The following HIVEP2 variants were observed in gnomAD, a reference collection of about 807,000 sequenced individuals.
HIVEP2 encodes transcription factor HIVEP2.
HIVEP2 carries 14 observed loss-of-function variants against 180.7 expected under a neutral mutation model. That is an observed-to-expected ratio of 0.08 (90% CI 0.05 to 0.12). The LOEUF (loss-of-function observed/expected upper bound fraction) is 0.12, where lower values mean the gene tolerates loss of function less well. HIVEP2 is among the 10% of genes least tolerant of loss of function. The probability of loss-of-function intolerance (pLI) is 1.00; values close to 1 mark genes in which losing one functional copy is unlikely to be tolerated. For synonymous variants in HIVEP2, 1,184 were observed against 1,136.4 expected (o/e 1.04, Z -0.84); for missense variants, 2,579 against 3,008.5 (o/e 0.86, Z 3.34).
rs375801488 is a variant in HIVEP2 at position 142,760,643 on chromosome 6, G to C, written c.5645C>G (p.Ala1882Gly). ...EAENLEDLHK[A>G]AEKHSMSSIS... ...GCTGGACATGCTATGCTTCTCTGCT[G>C]CTTTGTGCAAATCTTCCAAATTTTC... The change falls in exon 9 of 10, where the codon GCA (alanine) becomes GGA (glycine). Residue 1882 changes from alanine (A) to glycine (G), a missense_variant. By Grantham distance (60) the Ala-to-Gly change is moderately conservative. Transcript: ENST00000367603. 1.9e-6 allele frequency: 3 copies of C among 1,602,282 alleles called. No homozygotes were observed. The highest frequency in any genetic ancestry group is 2.6e-6 in the Non-Finnish European group (3 of 1,175,106).
intron 1 of HIVEP2, among the ~76,000 whole-genome samples, chr6:142,867,889 G>T (rs903682542): frequency 2.0e-5 from 3 of 152,062 alleles, no homozygotes; most frequent in Non-Finnish European, 2.9e-5. Context: ...GCTAGAATAG[G>T]TCATTTATTT....
intron 3 of HIVEP2, among the ~76,000 whole-genome samples, chr6:142,780,761 T>C (rs1455969288): frequency 6.6e-6 from 1 of 152,190 alleles, no homozygotes; most frequent in Non-Finnish European, 1.5e-5. Flanking sequence ...AAAGTTTCTC[T>C]GCTACTCCAC....
chr6:142,774,436 A>G lies in HIVEP2; in HGVS notation c.303T>C (p.Pro101=). Residue 101 remains proline, a synonymous_variant, in exon 5 of 10, where the codon CCT becomes CCC. Transcript: ENST00000367603. The surrounding 1 kb of genome is among the most constrained non-coding windows in gnomAD (Gnocchi z 5.1). ...PYSCQHSLSF[P]QHSLPQGVMH... The stretch of plus-strand genomic sequence containing the variant: ...TGACCCCCTGTGGCAATGAGTGCTG[A>G]GGGAAAGAGAGTGAGTGTTGGCATG... 1 of 1,614,160 alleles carries G rather than the reference A, an allele frequency of 6.2e-7. No individual in the cohort carries two copies. The highest frequency in any genetic ancestry group is 1.1e-5 in the South Asian group (1 of 91,080).
chr6:142,920,045 A>G, intron 1 of HIVEP2, among the ~76,000 whole-genome samples: 1 of 152,228 alleles, frequency 6.6e-6, no homozygotes, highest in East Asian at 1.9e-4. Context: ...CTACAGTAGG[A>G]AAGTTGGTTC....
intron 1 of HIVEP2, among the ~76,000 whole-genome samples, chr6:142,941,072 G>A (rs961631245): frequency 6.6e-6 from 1 of 152,234 alleles, no homozygotes; most frequent in African/African-American, 2.4e-5. Context: ...CAAATGATGA[G>A]TAATGGGAGT....
At chr6:142,913,402 A>G (rs1471478218) in intron 1 of HIVEP2, among the ~76,000 whole-genome samples, 1 of 152,260 alleles carries the variant, frequency 6.6e-6, no homozygotes, top group Non-Finnish European at 1.5e-5. Context: ...ATCAGGGCAC[A>G]CTGGCTGTCC....
Position 142,771,456 on chromosome 6 carries a change from C to A in HIVEP2, c.3283G>T (p.Gly1095Cys), listed in dbSNP as rs762818277. 2.5e-6 allele frequency: 4 copies of A among 1,613,460 alleles called. No homozygotes were observed. In the Admixed American group the frequency reaches 6.7e-5, roughly 27 times the overall value. ...ACGCTCTGATCCATGCCAACCTCGC[C>A]CTGGGAGATTTCTGGGGAGCCACTG... Reference protein sequence around the residue: ...SFSGSPEISQGEVGMDQSVKQ... With the variant: ...SFSGSPEISQCEVGMDQSVKQ... Residue 1095 changes from glycine to cysteine, a missense_variant, in exon 5 of 10, where the codon GGC becomes TGC. Physicochemically the swap from Gly to Cys is radical, Grantham distance 159. Around this residue, in one of 11 missense-constraint regions of HIVEP2, gnomAD observed 523 missense variants for 577.0 expected, o/e 0.91. Transcript: ENST00000367603. This position sits in a 1 kb window ranked among gnomAD's most constrained non-coding sequence, Gnocchi z 5.4.
In HIVEP2 at chr6:142,855,539, T is replaced by C. The variant is rs188493342; in HGVS notation, c.-640-18492A>G. On this transcript the variant is annotated intron_variant, in intron 1 of 9. Coordinates refer to ENST00000367603, the MANE Select transcript of HIVEP2 (RefSeq NM_006734.4). The stretch of plus-strand genomic sequence containing the variant: ...ACAAACAGTATGAATTTGAGGAGCC[T>C]TTAATTTTAATGGGCAAATACTTAA... Among the ~76,000 whole-genome samples, 10 of 152,350 alleles carry C rather than the reference T, an allele frequency of 6.6e-5. No homozygotes were observed. In the East Asian group the frequency reaches 1.7e-3, roughly 26 times the overall value.
chr6:142,755,379 C>T (rs1021249566), intron 9 of HIVEP2, among the ~76,000 whole-genome samples: 8 of 152,206 alleles, frequency 5.3e-5, no homozygotes, highest in Admixed American at 1.3e-4. Context: ...GGAAAAGGCA[C>T]GTCTCCTTCA....
At chr6:142,823,592 G>C (rs1256597341) in intron 2 of HIVEP2, among the ~76,000 whole-genome samples, 1 of 152,228 alleles carries the variant, frequency 6.6e-6, no homozygotes, top group Non-Finnish European at 1.5e-5. Flanking sequence ...GTGTAACCAT[G>C]CCAAGCATCC....
At chr6:142,757,590 G>A (rs1452102818) in intron 9 of HIVEP2, among the ~76,000 whole-genome samples, 2 of 152,162 alleles carry the variant, frequency 1.3e-5, no homozygotes, top group African/African-American at 2.4e-5. Context: ...CCCAGGAGGT[G>A]GAGGTTGCAG....
intron 1 of HIVEP2, among the ~76,000 whole-genome samples, chr6:142,873,253 T>G (rs1429866710): frequency 1.3e-5 from 2 of 152,070 alleles, no homozygotes; most frequent in Non-Finnish European, 2.9e-5. Flanking sequence ...ATCTACTCAC[T>G]AGAAAAAAAA....
intron 1 of HIVEP2, among the ~76,000 whole-genome samples, chr6:142,933,975 C>G (rs1321344918): frequency 6.6e-6 from 1 of 152,164 alleles, no homozygotes; most frequent in Non-Finnish European, 1.5e-5. Context: ...TACTTTGTGA[C>G]ACAAGTGCAT....
At chr6:142,775,447 TAA>T (rs1000971413) in intron 4 of HIVEP2, among the ~76,000 whole-genome samples, 1 of 149,970 alleles carries the variant, frequency 6.7e-6, no homozygotes, top group African/African-American at 2.4e-5. Flanking sequence ...AAAGCCCCAT[TAA>T]AAAAAAATAG....
intron 1 of HIVEP2, among the ~76,000 whole-genome samples, chr6:142,860,577 T>C (rs528262035): frequency 4.0e-5 from 6 of 151,882 alleles, no homozygotes; most frequent in Non-Finnish European, 7.4e-5. Context: ...TATCTGGGGG[T>C]GATGGGAGAC....
intron 1 of HIVEP2, among the ~76,000 whole-genome samples, chr6:142,927,384 A>G (rs548446108): frequency 4.6e-5 from 7 of 152,308 alleles, no homozygotes; most frequent in African/African-American, 1.7e-4. Context: ...GTGTTGTTGC[A>G]GTTGTTTTCC....
chr6:142,773,531 C>T lies in HIVEP2; in HGVS notation c.1208G>A (p.Arg403His), dbSNP rs1562509054. The stretch of plus-strand genomic sequence containing the variant: ...TATTTGCTGCTCAGCACTTTCTGAG[C>T]GAGAAAAGTAACCAGAATCAGTGCT... ...KGSTDSGYFS[R>H]SESAEQQISP... The change falls in exon 5 of 10, where the codon CGC becomes CAC. Residue 403 changes from arginine (R) to histidine (H), a missense_variant. Physicochemically the swap from Arg to His is conservative, Grantham distance 29. This residue lies in a region of HIVEP2 where 47 missense variants were observed against 92.5 expected (regional missense o/e 0.51). Coordinates refer to ENST00000367603, the MANE Select transcript of HIVEP2 (RefSeq NM_006734.4). The T allele has an allele frequency of 5.6e-6, 9 of 1,614,178 alleles. No individual in the cohort carries two copies. The highest frequency in any genetic ancestry group is 1.6e-4 in the Middle Eastern group (1 of 6,062).
intron 2 of HIVEP2, among the ~76,000 whole-genome samples, chr6:142,822,762 A>C (rs1261586303): frequency 6.6e-6 from 1 of 152,176 alleles, no homozygotes; most frequent in Non-Finnish European, 1.5e-5. Context: ...AGCAATTCCT[A>C]TTCTTTCCAA....
At chr6:142,796,020 G>A (rs1206214908) in intron 2 of HIVEP2, among the ~76,000 whole-genome samples, 4 of 152,114 alleles carry the variant, frequency 2.6e-5, no homozygotes, top group South Asian at 2.1e-4. Flanking sequence ...GGGAGCCCAC[G>A]TGGAGAGGAC....
Sources: gnomAD v4.1 joint callset for allele counts (sites outside exome capture counted in the v4.1 genomes callset) on GRCh38, gnomAD v4.1.1 for gene constraint, gnomAD v4.1.1 regional missense constraint, Gnocchi (gnomAD v3.1) non-coding constraint, MANE v1.5 for transcripts, NCBI Gene and HGNC (gene_info 2026-07-23, HGNC 2026-07-21) for gene names.